MCCC2: variants seen among roughly 807,000 people sequenced by gnomAD.
The protein encoded by MCCC2 is methylcrotonyl-CoA carboxylase subunit 2, also known as methylcrotonoyl-CoA carboxylase beta chain, mitochondrial.
In MCCC2, 52 loss-of-function variants were observed where a neutral mutation model predicts 77.2. That is an observed-to-expected ratio of 0.67 (90% CI 0.54 to 0.85). The LOEUF is 0.85. Among genes scored for constraint, MCCC2 ranks in the 40% least tolerant of loss-of-function variants. The probability of loss-of-function intolerance (pLI) is 0.00; values close to 1 mark genes in which losing one functional copy is unlikely to be tolerated. For synonymous variants in MCCC2, 253 were observed against 248.4 expected, an observed-to-expected ratio of 1.02 and a Z score of -0.18; for missense variants, 682 against 703.2, an observed-to-expected ratio of 0.97 and a Z score of 0.34.
intron 6 of MCCC2, among the ~76,000 whole-genome samples, chr5:71,610,808 A>C (rs907060415): frequency 1.3e-5 from 2 of 151,318 alleles, no homozygotes; most frequent in African/African-American, 4.9e-5. Context: ...AACGCGGTGA[A>C]ACCCCGTCTC....
intron 6 of MCCC2, among the ~76,000 whole-genome samples, chr5:71,618,572 T>C (rs1173361621): frequency 6.6e-6 from 1 of 150,770 alleles, no homozygotes; most frequent in Non-Finnish European, 1.5e-5. Flanking sequence ...TCTTTCTTTT[T>C]GTAGAGGTGA....
chr5:71,627,003 C>A (rs1746551552), intron 7 of MCCC2, among the ~76,000 whole-genome samples: 1 of 152,126 alleles, frequency 6.6e-6, no homozygotes, highest in Admixed American at 6.6e-5. Context: ...ATTTCCGTCA[C>A]CTCTGCCACC....
Position 71,656,830 on chromosome 5 carries a change from G to A in MCCC2, c.1662G>A (p.Glu554=). The change falls in exon 17 of 17, where the codon GAG becomes GAA. Residue 554 remains glutamate (E), a synonymous_variant. Transcript: ENST00000340941. The part of the protein sequence containing the change: ...SFSAALNAPI[E]KTDFGIFRM ...GTGCAGCCCTCAACGCACCAATAGA[G>A]AAGACTGACTTCGGTATCTTCAGGA... The A allele has an allele frequency of 3.7e-6, 6 of 1,614,002 alleles. No individual in the cohort carries two copies. The highest frequency in any genetic ancestry group is 5.1e-6 in the Non-Finnish European group (6 of 1,179,906).
intron 12 of MCCC2, among the ~76,000 whole-genome samples, 196 bp downstream of exon 12, chr5:71,644,091 G>A (rs972832141): frequency 8.3e-5 from 12 of 144,532 alleles, no homozygotes; most frequent in Non-Finnish European, 1.5e-4. Context: ...GTATATATGT[G>A]CATGTATGTT....
intron 13 of MCCC2, among the ~76,000 whole-genome samples, chr5:71,648,669 T>C (rs1747340362): frequency 1.3e-5 from 2 of 152,224 alleles, no homozygotes; most frequent in South Asian, 2.1e-4. Context: ...CATCTCCTTT[T>C]TAAAATTTTT....
rs1171288012 is a variant in MCCC2 at position 71,649,263 on chromosome 5, A to G, written c.1373+10A>G. On this transcript the variant is annotated intron_variant, in intron 14 of 16. Transcript: ENST00000340941. Reference sequence around the variant, plus strand: ...GTGGCAGAGCATATAGGTAGGTGTCATGATTTTCTCTGAAACAAAGAAACA... The same window carrying G: ...GTGGCAGAGCATATAGGTAGGTGTCGTGATTTTCTCTGAAACAAAGAAACA... 6.2e-7 allele frequency: 1 copy of G among 1,612,472 alleles called. No homozygotes were observed. Among genetic ancestry groups the G allele is most frequent in the Non-Finnish European group, 8.5e-7 (1 of 1,178,558 alleles).
In MCCC2 at chr5:71,656,822, C is replaced by A. The variant is rs768918603; in HGVS notation, c.1654C>A (p.Pro552Thr). 1.9e-6 allele frequency: 3 copies of A among 1,613,860 alleles called. No homozygotes were observed. The highest frequency in any genetic ancestry group is 2.5e-6 in the Non-Finnish European group (3 of 1,179,934). The change falls in exon 17 of 17, where the codon CCA becomes ACA. Residue 552 changes from proline (P) to threonine (T), a missense_variant. Pro to Thr is a conservative substitution (Grantham distance 38). Transcript: ENST00000340941. ...CAGTTTTAGTGCAGCCCTCAACGCA[C>A]CAATAGAGAAGACTGACTTCGGTAT... ...GLSFSAALNA[P>T]IEKTDFGIFR... is the part of the protein sequence containing the mutation.
intron 5 of MCCC2, 199 bp downstream of exon 5, chr5:71,602,832 T>C (rs1745494979): frequency 1.4e-6 from 1 of 701,936 alleles, no homozygotes; most frequent in African/African-American, 1.8e-5. Flanking sequence ...TAGTGCATAA[T>C]ACTCATACAT....
At chr5:71,649,991 TA>T (rs756477677) in intron 14 of MCCC2, 77 bp from the exon 15 acceptor site, 56 of 1,131,806 alleles carry the variant, frequency 4.9e-5, no homozygotes, top group Non-Finnish European at 7.5e-5. Context: ...ACCACTAATT[TA>T]AAAGGCAAAC....
At chr5:71,595,100 ATGT>A (rs1745132010) in intron 2 of MCCC2, among the ~76,000 whole-genome samples, 1 of 149,280 alleles carries the variant, frequency 6.7e-6, no homozygotes, top group South Asian at 2.1e-4. Flanking sequence ...GGGTTTCACC[ATGT>A]TGTCCAGGCT....
chr5:71,637,951 A>T (rs1746987243), intron 10 of MCCC2, among the ~76,000 whole-genome samples: 1 of 151,854 alleles, frequency 6.6e-6, no homozygotes, highest in South Asian at 2.1e-4. Context: ...GGACTTCATG[A>T]TCTGCCCGCC....
chr5:71,588,764 A>G (rs530039295), intron 1 of MCCC2, among the ~76,000 whole-genome samples: 1 of 152,284 alleles, frequency 6.6e-6, no homozygotes, highest in East Asian at 1.9e-4. Context: ...GAGAGTTACA[A>G]GAACATAGGT....
intron 10 of MCCC2, among the ~76,000 whole-genome samples, chr5:71,638,537 T>C (rs1208606549): frequency 6.6e-6 from 1 of 152,246 alleles, no homozygotes; most frequent in African/African-American, 2.4e-5. Context: ...TTCTTTTTTT[T>C]TGAGACGGAG....
chr5:71,592,775 A>G (rs1745029126), intron 1 of MCCC2, 151 bp from the exon 2 acceptor site: 1 of 686,142 alleles, frequency 1.5e-6, no homozygotes, highest in African/African-American at 1.8e-5. Context: ...CCAGTGGCCC[A>G]GCGTGGCTGC....
At chr5:71,617,321 A>G (rs1746195231) in intron 6 of MCCC2, among the ~76,000 whole-genome samples, 1 of 152,176 alleles carries the variant, frequency 6.6e-6, no homozygotes, top group South Asian at 2.1e-4. Context: ...ACTGGAAGTA[A>G]TATTTTCTTC....
chr5:71,630,162 A>G (rs2112421607), intron 7 of MCCC2, among the ~76,000 whole-genome samples: 1 of 152,354 alleles, frequency 6.6e-6, no homozygotes, highest in East Asian at 1.9e-4. Flanking sequence ...CAGTAGCAGC[A>G]GCCTCATCCT....
intron 5 of MCCC2, among the ~76,000 whole-genome samples, chr5:71,603,562 A>C (rs979915110): frequency 6.6e-6 from 1 of 152,092 alleles, no homozygotes; most frequent in African/African-American, 2.4e-5. Flanking sequence ...TGTGAAGTTG[A>C]ATTTACCTGA....
intron 6 of MCCC2, among the ~76,000 whole-genome samples, chr5:71,611,258 G>A (rs546041371): frequency 2.8e-4 from 42 of 152,084 alleles, no homozygotes; most frequent in East Asian, 1.4e-3. Context: ...AAAATTAGCC[G>A]AGTGTGGTGT....
chr5:71,650,054 C>A lies in MCCC2; in HGVS notation c.1374-15C>A. On this transcript the variant is annotated splice_polypyrimidine_tract_variant and intron_variant, in intron 14 of 16. Transcript: ENST00000340941. ...TATTGACTTAATTTGTTTATTCTTC[C>A]TTTTCTTCCCCCAGCCCAAGATTTC... is the stretch of plus-strand genomic sequence containing the variant. 6.2e-7 allele frequency: 1 copy of A among 1,601,992 alleles called. No individual in the cohort carries two copies. Among genetic ancestry groups the A allele is most frequent in the Non-Finnish European group, 8.6e-7 (1 of 1,168,968 alleles).
Sources: gnomAD v4.1 joint callset for allele counts (sites outside exome capture counted in the v4.1 genomes callset) on GRCh38, gnomAD v4.1.1 for gene constraint, MANE v1.5 for transcripts, NCBI Gene and HGNC (gene_info 2026-07-23, HGNC 2026-07-21) for gene names.